The following MAGI2 variants were observed in gnomAD, a reference collection of about 807,000 sequenced individuals.
MAGI2 encodes the protein membrane-associated guanylate kinase, WW and PDZ domain-containing protein 2.
MAGI2 carries 35 observed loss-of-function variants against 133.3 expected under a neutral mutation model. The ratio of observed to expected loss-of-function variants is 0.26; its 90% CI spans 0.20 to 0.35. The LOEUF is 0.35. MAGI2 is among the 10% of genes least tolerant of loss of function. The probability of loss-of-function intolerance (pLI) is 1.00; values close to 1 mark genes in which losing one functional copy is unlikely to be tolerated. For synonymous variants in MAGI2, 729 were observed against 710.6 expected, an observed-to-expected ratio of 1.03 and a Z score of -0.41; for missense variants, 1,636 against 1,863.4, an observed-to-expected ratio of 0.88 and a Z score of 2.25.
chr7:79,310,635 G>A (rs572982074), intron 1 of MAGI2, among the ~76,000 whole-genome samples: 40 of 152,182 alleles, frequency 2.6e-4, no homozygotes, highest in African/African-American at 5.5e-4. Flanking sequence ...CAATAAAGCC[G>A]GTGATCTTGT....
intron 3 of MAGI2, among the ~76,000 whole-genome samples, chr7:78,522,070 C>T (rs751536714): frequency 1.4e-4 from 21 of 152,104 alleles, no homozygotes; most frequent in African/African-American, 4.3e-4. Flanking sequence ...AGGCAAAGCA[C>T]GTTCTGCTAT....
chr7:79,002,891 G>T (rs2116476337), intron 2 of MAGI2, among the ~76,000 whole-genome samples: 1 of 149,940 alleles, frequency 6.7e-6, no homozygotes, highest in East Asian at 2.0e-4. Flanking sequence ...GTGTGTGTGT[G>T]TGTGTGTGTT....
At chr7:79,051,101 G>C (rs943246474) in intron 1 of MAGI2, among the ~76,000 whole-genome samples, 1 of 152,150 alleles carries the variant, frequency 6.6e-6, no homozygotes, top group Non-Finnish European at 1.5e-5. Context: ...TTTTTACCAA[G>C]TAGTTTGATC....
At chr7:79,342,177 ATTT>A (rs1465416987) in intron 1 of MAGI2, among the ~76,000 whole-genome samples, 2 of 152,228 alleles carry the variant, frequency 1.3e-5, no homozygotes. Context: ...TTGTAAGGCA[ATTT>A]GATGGAAACA....
intron 2 of MAGI2, among the ~76,000 whole-genome samples, chr7:78,998,269 T>C (rs1806505405): frequency 6.6e-6 from 1 of 152,184 alleles, no homozygotes; most frequent in South Asian, 2.1e-4. Flanking sequence ...TTACACCTGC[T>C]CAATATCAAG....
intron 2 of MAGI2, among the ~76,000 whole-genome samples, chr7:78,673,520 G>A (rs1465596600): frequency 6.6e-6 from 1 of 152,036 alleles, no homozygotes; most frequent in Non-Finnish European, 1.5e-5. Flanking sequence ...CAGGCTCCCA[G>A]ACACAAGAGG....
At chr7:78,237,800 A>G (rs1327046059) in intron 10 of MAGI2, among the ~76,000 whole-genome samples, 3 of 152,230 alleles carry the variant, frequency 2.0e-5, no homozygotes, top group Non-Finnish European at 2.9e-5. Context: ...ATAAAAACAT[A>G]GTACATGCAA....
chr7:79,302,379 C>T (rs1303259834), intron 1 of MAGI2, among the ~76,000 whole-genome samples: 1 of 152,136 alleles, frequency 6.6e-6, no homozygotes, highest in African/African-American at 2.4e-5. Context: ...TCACAGCTAA[C>T]ATAGCAGCAG....
At chr7:78,979,250 A>G (rs1804570746) in intron 2 of MAGI2, among the ~76,000 whole-genome samples, 1 of 151,798 alleles carries the variant, frequency 6.6e-6, no homozygotes, top group Non-Finnish European at 1.5e-5. Flanking sequence ...CAATAAAAGG[A>G]ACCAGGACCC....
chr7:78,267,126 T>C (rs1321982245), intron 9 of MAGI2, among the ~76,000 whole-genome samples: 1 of 152,180 alleles, frequency 6.6e-6, no homozygotes, highest in African/African-American at 2.4e-5. Context: ...CCAGTCAACA[T>C]GCCTTAACTG....
chr7:78,475,088 T>C (rs956977082), intron 6 of MAGI2, among the ~76,000 whole-genome samples: 15 of 151,990 alleles, frequency 9.9e-5, no homozygotes, highest in African/African-American at 3.6e-4. Flanking sequence ...ACATACCAAG[T>C]TGGCGTTTGG....
intron 2 of MAGI2, among the ~76,000 whole-genome samples, chr7:78,642,706 G>A (rs1810441063): frequency 6.6e-6 from 1 of 152,118 alleles, no homozygotes; most frequent in Non-Finnish European, 1.5e-5. Context: ...TGACCTTATG[G>A]GAAGCATTGT....
intron 9 of MAGI2, among the ~76,000 whole-genome samples, chr7:78,330,912 C>T (rs16885938): frequency 0.25 from 38,224 of 151,988 alleles, 5,252 homozygotes; most frequent in East Asian, 0.54. Flanking sequence ...CAGAGTAGTA[C>T]GAACTGAACG....
At chr7:78,291,180 G>A (rs1022201357) in intron 9 of MAGI2, among the ~76,000 whole-genome samples, 10 of 151,992 alleles carry the variant, frequency 6.6e-5, no homozygotes, top group East Asian at 1.9e-4. Context: ...CTGATAGACC[G>A]CTAGCAAGAC....
chr7:78,679,895 G>A lies in MAGI2; in HGVS notation c.419-52656C>T, dbSNP rs182292489. 2.9e-3 allele frequency among the ~76,000 whole-genome samples: 439 copies of A among 152,196 alleles called. 2 individuals are homozygous for A. Among genetic ancestry groups the A allele is most frequent in the Admixed American group, 4.9e-3 (74 of 15,256 alleles). ...GCCCACCACAGAGGCAATCAACAAAGCAAACAACAAAGTCAGCATAGTCAG... is the reference window on the plus strand; with the variant it reads ...GCCCACCACAGAGGCAATCAACAAAACAAACAACAAAGTCAGCATAGTCAG... On this transcript the variant is annotated intron_variant, in intron 2 of 21. Coordinates refer to ENST00000354212, the MANE Select transcript of MAGI2 (RefSeq NM_012301.4).
intron 6 of MAGI2, among the ~76,000 whole-genome samples, chr7:78,440,301 T>C (rs1787486332): frequency 6.6e-6 from 1 of 152,126 alleles, no homozygotes; most frequent in Non-Finnish European, 1.5e-5. Flanking sequence ...ACAAGGAAAC[T>C]GAAGTGAATA....
At chr7:79,206,583 G>T (rs539852548) in intron 1 of MAGI2, among the ~76,000 whole-genome samples, 1 of 151,560 alleles carries the variant, frequency 6.6e-6, no homozygotes, top group African/African-American at 2.4e-5. Flanking sequence ...ATAAAAAATC[G>T]GTTATCAAAG....
At chr7:78,351,464 G>A (rs1375847297) in intron 7 of MAGI2, among the ~76,000 whole-genome samples, 7 of 151,930 alleles carry the variant, frequency 4.6e-5, no homozygotes, top group Non-Finnish European at 8.8e-5. Flanking sequence ...GGGAGCATTA[G>A]ACAAGCAGCA....
chr7:79,058,774 T>A lies in MAGI2; in HGVS notation c.302-51568A>T, dbSNP rs537103673. Among the ~76,000 whole-genome samples the A allele has an allele frequency of 5.3e-5, 8 of 152,190 alleles. No homozygotes were observed. In the East Asian group the frequency reaches 5.8e-4, roughly 11 times the overall value. On this transcript the variant is annotated intron_variant, in intron 1 of 21. Coordinates refer to ENST00000354212, the MANE Select transcript of MAGI2 (RefSeq NM_012301.4). ...TGAACGCAAAACACTTACACCTGAA[T>A]AGAATTGCAGTGGACCATTAGGGTC...
Sources: gnomAD v4.1 joint callset for allele counts (sites outside exome capture counted in the v4.1 genomes callset) on GRCh38, gnomAD v4.1.1 for gene constraint, MANE v1.5 for transcripts, NCBI Gene and HGNC (gene_info 2026-07-23, HGNC 2026-07-21) for gene names.